Variants in KIAA0040 observed in about 807,000 individuals in gnomAD.
KIAA0040 encodes KIAA0040, also known as uncharacterized protein KIAA0040.
A neutral mutation model predicts 7.2 loss-of-function variants in KIAA0040; 10 were observed. The observed-to-expected ratio is 1.38, with a 90% CI of 0.85 to 2.34. KIAA0040 has a LOEUF of 2.34. KIAA0040 is among the 30% of genes most tolerant of loss of function. The probability of loss-of-function intolerance (pLI) is 0.00; values close to 1 mark genes in which losing one functional copy is unlikely to be tolerated. For missense variants in KIAA0040, 89 were observed against 108.2 expected, an observed-to-expected ratio of 0.82 and a Z score of 0.79; for synonymous variants, 49 against 40.1, an observed-to-expected ratio of 1.22 and a Z score of -0.84.
Position 175,157,430 on chromosome 1 carries a change from C to A in KIAA0040, c.*3284G>T, listed in dbSNP as rs762395305. 2 of 152,194 alleles carry A rather than the reference C, an allele frequency of 1.3e-5. No individual in the cohort carries two copies. Among genetic ancestry groups the A allele is most frequent in the African/African-American group, 4.8e-5 (2 of 41,432 alleles). 9.4% of individuals were successfully genotyped at this position (152,194 alleles called of 1,614,324 possible). On this transcript the variant is annotated 3_prime_UTR_variant, in exon 4 of 4. Transcript: ENST00000423313. Reference sequence around the variant, plus strand: ...AGGCGGTGACCAGGGAGGGCTGGGACATTTGTGTCACAGAAAGAGTCCCTG... The same window carrying A: ...AGGCGGTGACCAGGGAGGGCTGGGAAATTTGTGTCACAGAAAGAGTCCCTG...
upstream of KIAA0040, chr1:175,192,817 G>GCCCCCCCCCCCCCCCCC (rs1558405268): frequency 2.3e-4 from 28 of 123,514 alleles, no homozygotes; most frequent in Admixed American, 6.2e-4. Context: ...CGTGGGAGCC[G>GCCCCCCCCCCCCCCCCC]CCCGCCCCGC....
chr1:175,161,309 A>G (rs764271437), intron 3 of KIAA0040, among the ~76,000 whole-genome samples, 163 bp from the exon 4 acceptor site: 1 of 152,234 alleles, frequency 6.6e-6, no homozygotes, highest in Admixed American at 6.5e-5. Context: ...GCATGCATGT[A>G]ATCAATAAGC....
Position 175,160,665 on chromosome 1 carries a change from CAGA to C in KIAA0040, c.*46_*48del. ...GGTTCCTGAAATGTCTGTGTGTGGT[CAGA>C]AGGAGGCTTAGCCCCAGAAAGGAAA... On this transcript the variant is annotated 3_prime_UTR_variant, in exon 4 of 4. Coordinates refer to ENST00000423313, the MANE Select transcript of KIAA0040 (RefSeq NM_014656.3). The C allele has an allele frequency of 6.8e-7, 1 of 1,479,202 alleles. No individual in the cohort carries two copies. 91.6% of individuals were successfully genotyped at this position (1,479,202 alleles called of 1,614,324 possible). A position where few individuals can be genotyped will look rare whatever the true frequency, so the allele number is the denominator to read the frequency against.
chr1:175,163,878 A>G (rs1676650275), intron 3 of KIAA0040, among the ~76,000 whole-genome samples: 1 of 152,186 alleles, frequency 6.6e-6, no homozygotes, highest in African/African-American at 2.4e-5. Context: ...AAGGAGGGCG[A>G]GCTCATGGAG....
At chr1:175,186,628 A>G (rs78985654) in intron 1 of KIAA0040, among the ~76,000 whole-genome samples, 2 of 152,246 alleles carry the variant, frequency 1.3e-5, no homozygotes, top group Non-Finnish European at 2.9e-5. Flanking sequence ...CTATCCACCC[A>G]CTGAAAATAG....
chr1:175,163,869 A>G (rs1339206959), intron 3 of KIAA0040, among the ~76,000 whole-genome samples: 1 of 152,198 alleles, frequency 6.6e-6, no homozygotes, highest in Middle Eastern at 3.2e-3. Flanking sequence ...CCAGCAAGGA[A>G]GGAGGGCGAG....
chr1:175,170,361 A>G (rs778486661), intron 2 of KIAA0040, among the ~76,000 whole-genome samples: 2 of 152,060 alleles, frequency 1.3e-5, no homozygotes, highest in African/African-American at 4.8e-5. Flanking sequence ...AATGGCCTCT[A>G]GTTTTTCCTT....
Position 175,159,596 on chromosome 1 carries a change from T to TGG in KIAA0040, c.*1117_*1118insCC, listed in dbSNP as rs1207304260. The TGG allele has an allele frequency of 6.6e-6, 1 of 152,292 alleles. No homozygotes were observed. Among genetic ancestry groups the TGG allele is most frequent in the Non-Finnish European group, 1.5e-5 (1 of 68,052 alleles). The allele number at this position is 152,292 out of a possible 1,614,324, so 9.4% of individuals were successfully genotyped here. A position where few individuals can be genotyped will look rare whatever the true frequency, so the allele number is the denominator to read the frequency against. The stretch of plus-strand genomic sequence containing the variant: ...TCTGCATCCCACCTGTGCCATACCG[T>TGG]GCACACATCACAACCTTATGACATC... On this transcript the variant is annotated 3_prime_UTR_variant, in exon 4 of 4. Coordinates refer to ENST00000423313, the MANE Select transcript of KIAA0040 (RefSeq NM_014656.3).
chr1:175,162,408 C>G (rs1676581440), intron 3 of KIAA0040, among the ~76,000 whole-genome samples: 1 of 152,082 alleles, frequency 6.6e-6, no homozygotes, highest in Non-Finnish European at 1.5e-5. Flanking sequence ...CAGGCCCACC[C>G]AGACCCACCC....
intron 2 of KIAA0040, among the ~76,000 whole-genome samples, chr1:175,175,458 G>A (rs533371443): frequency 6.6e-6 from 1 of 151,358 alleles, no homozygotes; most frequent in African/African-American, 2.4e-5. Context: ...CATTGTGGAA[G>A]TCAGTGTGGC....
chr1:175,187,528 A>T lies in KIAA0040; in HGVS notation c.-384+5112T>A, dbSNP rs79759740. Among the ~76,000 whole-genome samples, 1,441 of 152,314 alleles carry T rather than the reference A, an allele frequency of 9.5e-3. 24 individuals are homozygous for T. The highest frequency in any genetic ancestry group is 0.033 in the African/African-American group (1,389 of 41,556). ...AGAAACCATGAGCAGATGGATGCAC[A>T]TTTAATATCTTACTTGAGTTGGGGA... On this transcript the variant is annotated intron_variant, in intron 1 of 3. Coordinates refer to ENST00000423313, the MANE Select transcript of KIAA0040 (RefSeq NM_014656.3).
chr1:175,179,034 T>C (rs1036681038), intron 1 of KIAA0040, among the ~76,000 whole-genome samples: 1 of 151,420 alleles, frequency 6.6e-6, no homozygotes, highest in Non-Finnish European at 1.5e-5. Context: ...TGTGATTACA[T>C]GGAGGGCTGG....
intron 2 of KIAA0040, among the ~76,000 whole-genome samples, chr1:175,173,651 A>G (rs191076563): frequency 1.9e-4 from 29 of 152,312 alleles, no homozygotes; most frequent in African/African-American, 6.3e-4. Flanking sequence ...TGTTCATCCA[A>G]CTATTCATCT....
intron 2 of KIAA0040, among the ~76,000 whole-genome samples, chr1:175,170,097 G>C (rs991336973): frequency 1.3e-5 from 2 of 152,218 alleles, no homozygotes; most frequent in African/African-American, 4.8e-5. Context: ...AGATCTCGGG[G>C]TGCTAAGGAC....
chr1:175,162,331 T>C (rs1324853672), intron 3 of KIAA0040, among the ~76,000 whole-genome samples: 1 of 151,942 alleles, frequency 6.6e-6, no homozygotes, highest in Non-Finnish European at 1.5e-5. Context: ...CACTTAAGGA[T>C]AAAGAATCTG....
intron 2 of KIAA0040, among the ~76,000 whole-genome samples, chr1:175,175,186 C>T (rs577119146): frequency 1.6e-4 from 24 of 152,326 alleles, no homozygotes; most frequent in South Asian, 8.3e-4. Context: ...AGCATGAGAA[C>T]GACCAAACAC....
At chr1:175,188,018 A>C (rs967219494) in intron 1 of KIAA0040, among the ~76,000 whole-genome samples, 1 of 152,256 alleles carries the variant, frequency 6.6e-6, no homozygotes, top group Non-Finnish European at 1.5e-5. Flanking sequence ...GCTATAGTCA[A>C]GAGCAAGGGC....
In KIAA0040 at chr1:175,160,500, G is replaced by A; in HGVS notation, c.*214C>T. On this transcript the variant is annotated 3_prime_UTR_variant, in exon 4 of 4. Transcript: ENST00000423313. ...GTCTGCAGTAAGGAGCATTGCTATT[G>A]GACACATAGCTGCCAAGACAGTATC... The A allele has an allele frequency of 1.8e-6, 1 of 565,926 alleles. No homozygotes were observed. The highest frequency in any genetic ancestry group is 3.1e-6 in the Non-Finnish European group (1 of 319,710). The allele number at this position is 565,926 out of a possible 1,614,324, so 35.1% of individuals were successfully genotyped here.
rs1453650386 is a variant in KIAA0040 at position 175,177,964 on chromosome 1, G to C, written c.-383-280C>G. Among the ~76,000 whole-genome samples the C allele has an allele frequency of 2.6e-5, 4 of 152,202 alleles. No homozygotes were observed. The East Asian group carries it at 7.7e-4, about 29-fold the overall frequency. ...ATTGGTATTATTCCCAGCAGTTGCA[G>C]GGATGTGGCAAAAAACAAAAGTCAC... On this transcript the variant is annotated intron_variant, in intron 1 of 3. Coordinates refer to ENST00000423313, the MANE Select transcript of KIAA0040 (RefSeq NM_014656.3).
Sources: allele counts gnomAD v4.1 joint callset (sites outside exome capture counted in the v4.1 genomes callset), GRCh38; gene constraint gnomAD v4.1.1; transcripts MANE v1.5; gene names NCBI Gene and HGNC (gene_info 2026-07-23, HGNC 2026-07-21).